TTLL11: variants seen among roughly 807,000 people sequenced by gnomAD.
TTLL11 encodes the protein tubulin polyglutamylase TTLL11.
In TTLL11, 42 loss-of-function variants were observed where a neutral mutation model predicts 51.7. The ratio of observed to expected loss-of-function variants is 0.81; its 90% CI spans 0.64 to 1.05. The LOEUF is 1.05. Among genes scored for constraint, TTLL11 ranks in the 50% least tolerant of loss-of-function variants. The pLI, the probability that TTLL11 is intolerant of heterozygous loss-of-function variation, is 0.00. For synonymous variants in TTLL11, 381 were observed against 383.5 expected (o/e 0.99, Z 0.08); for missense variants, 799 against 940.4 (o/e 0.85, Z 1.97).
intron 8 of TTLL11, among the ~76,000 whole-genome samples, chr9:121,825,200 C>T (rs111908251): frequency 0.027 from 4,180 of 152,218 alleles, 123 homozygotes; most frequent in African/African-American, 0.077. Context: ...GGCGTGTGCC[C>T]GTGCAAGTAT....
rs1846319043 is a variant in TTLL11, at chr9:122,093,198, G to T, written c.-50C>A. ...CAGTGCCACCGCCGCCGCCGCCGCC[G>T]CTCCGCCGCCCCAGTCCGCCACCAA... On this transcript the variant is annotated 5_prime_UTR_variant, in exon 1 of 9. Coordinates refer to ENST00000321582, the MANE Select transcript of TTLL11 (RefSeq NM_001139442.2). 6.7e-7 allele frequency: 1 copy of T among 1,487,802 alleles called. No individual in the cohort carries two copies. Among genetic ancestry groups the T allele is most frequent in the Non-Finnish European group, 8.9e-7 (1 of 1,127,952 alleles). 92.2% of individuals were successfully genotyped at this position (1,487,802 alleles called of 1,614,324 possible).
At chr9:122,070,213 C>T (rs1386395457) in intron 1 of TTLL11, among the ~76,000 whole-genome samples, 1 of 152,152 alleles carries the variant, frequency 6.6e-6, no homozygotes, top group Non-Finnish European at 1.5e-5. Context: ...GAGCTCATAA[C>T]TGAGCTGGAT....
At chr9:122,076,641 A>G (rs189960262) in intron 1 of TTLL11, among the ~76,000 whole-genome samples, 57 of 152,210 alleles carry the variant, frequency 3.7e-4, no homozygotes, top group African/African-American at 1.3e-3. Flanking sequence ...TCTGTATAAA[A>G]GGAAGATTCT....
intron 3 of TTLL11, among the ~76,000 whole-genome samples, chr9:122,017,601 T>C (rs918146100): frequency 6.6e-6 from 1 of 151,986 alleles, no homozygotes; most frequent in Non-Finnish European, 1.5e-5. Flanking sequence ...TAGCTGGGAT[T>C]ACAGGCACCC....
chr9:121,931,584 TAAAAAAAA>T (rs757552624), intron 6 of TTLL11, among the ~76,000 whole-genome samples: 2 of 130,744 alleles, frequency 1.5e-5, no homozygotes, highest in African/African-American at 6.3e-5. Flanking sequence ...TTCTACTATT[TAAAAAAAA>T]AAAAAAAAAA....
intron 3 of TTLL11, among the ~76,000 whole-genome samples, chr9:122,015,571 A>G (rs1188446905): frequency 1.3e-5 from 2 of 152,246 alleles, no homozygotes; most frequent in Middle Eastern, 3.4e-3. Context: ...TGCATTCTCC[A>G]TGTTACTTCC....
intron 3 of TTLL11, among the ~76,000 whole-genome samples, 176 bp downstream of exon 3, chr9:122,031,547 C>G (rs193006075): frequency 8.7e-4 from 133 of 152,328 alleles, no homozygotes; most frequent in Admixed American, 5.7e-3. Context: ...TGTCACCCTA[C>G]TCGTTCAACT....
intron 7 of TTLL11, among the ~76,000 whole-genome samples, chr9:121,862,882 C>T (rs1186152934): frequency 6.6e-6 from 1 of 152,166 alleles, no homozygotes. Context: ...AGGGACCGGA[C>T]AGGGGAGGGG....
At chr9:122,017,074 C>A (rs2131768458) in intron 3 of TTLL11, among the ~76,000 whole-genome samples, 1 of 152,266 alleles carries the variant, frequency 6.6e-6, no homozygotes, top group South Asian at 2.1e-4. Context: ...ATGAAATAAA[C>A]TTAATCCTAA....
At chr9:121,936,266 T>G (rs1268933486) in intron 6 of TTLL11, among the ~76,000 whole-genome samples, 1 of 78,204 alleles carries the variant, frequency 1.3e-5, no homozygotes, top group African/African-American at 7.4e-5. Context: ...TCTTTCTTTC[T>G]TTTTTTTTTT....
intron 6 of TTLL11, among the ~76,000 whole-genome samples, chr9:121,969,517 TGAG>T (rs1235217416): frequency 1.3e-5 from 2 of 152,074 alleles, no homozygotes; most frequent in African/African-American, 4.8e-5. Flanking sequence ...TCTGGGGAGA[TGAG>T]GAGTTTGGGG....
At chr9:121,829,806 CA>C (rs1690695257) in intron 8 of TTLL11, among the ~76,000 whole-genome samples, 2 of 151,214 alleles carry the variant, frequency 1.3e-5, no homozygotes, top group African/African-American at 4.9e-5. Flanking sequence ...CACACACACA[CA>C]CACACACCAC....
intron 6 of TTLL11, among the ~76,000 whole-genome samples, chr9:121,896,046 A>AT (rs1401154622): frequency 1.5e-5 from 2 of 129,088 alleles, no homozygotes; most frequent in African/African-American, 5.9e-5. Flanking sequence ...GGTTGTGTAC[A>AT]TTTGTGTGGC....
chr9:122,082,192 G>C (rs1352339057), intron 1 of TTLL11, among the ~76,000 whole-genome samples: 2 of 152,176 alleles, frequency 1.3e-5, no homozygotes, highest in African/African-American at 4.8e-5. Flanking sequence ...AGAAGTATTT[G>C]CACAAATACA....
At chr9:121,891,642 T>C (rs1421414402) in intron 6 of TTLL11, among the ~76,000 whole-genome samples, 2 of 152,184 alleles carry the variant, frequency 1.3e-5, no homozygotes, top group Non-Finnish European at 2.9e-5. Context: ...GAACTGACTG[T>C]ATCTATAATC....
At chr9:121,836,543 G>T (rs1837184334) in intron 8 of TTLL11, among the ~76,000 whole-genome samples, 1 of 152,174 alleles carries the variant, frequency 6.6e-6, no homozygotes, top group Admixed American at 6.5e-5. Flanking sequence ...GTTTAACACA[G>T]AGTAAATCAA....
At chr9:121,839,023 C>T (rs78814002) in intron 8 of TTLL11, among the ~76,000 whole-genome samples, 2,121 of 152,310 alleles carry the variant, frequency 0.014, 52 homozygotes, top group African/African-American at 0.048. Context: ...ACCTTGGGGC[C>T]GGTCCCTGGC....
chr9:121,983,823 G>A (rs1016053127), intron 4 of TTLL11, among the ~76,000 whole-genome samples: 1 of 152,130 alleles, frequency 6.6e-6, no homozygotes, highest in Non-Finnish European at 1.5e-5. Context: ...CCCCCTCAGA[G>A]CAGGGACCTT....
chr9:122,035,554 A>T (rs1336934344), intron 2 of TTLL11, among the ~76,000 whole-genome samples: 1 of 152,266 alleles, frequency 6.6e-6, no homozygotes, highest in African/African-American at 2.4e-5. Context: ...TACTTGGAGC[A>T]CTATTCAATC....
Sources: allele counts gnomAD v4.1 joint callset (sites outside exome capture counted in the v4.1 genomes callset), GRCh38; gene constraint gnomAD v4.1.1; transcripts MANE v1.5; gene names NCBI Gene and HGNC (gene_info 2026-07-23, HGNC 2026-07-21).